CECR2: variants seen among roughly 807,000 people sequenced by gnomAD.
The protein encoded by CECR2 is CECR2 histone acetyl-lysine reader, also known as chromatin remodeling regulator CECR2.
Under a neutral mutation model 154.5 loss-of-function variants are expected in CECR2, and 30 were observed. That is an observed-to-expected ratio of 0.19 (90% CI 0.15 to 0.26). CECR2 has a LOEUF of 0.26. Ranked by LOEUF, CECR2 falls within the 10% of genes least tolerant of loss-of-function variation. The probability of loss-of-function intolerance (pLI) is 1.00; values close to 1 mark genes in which losing one functional copy is unlikely to be tolerated. For missense variants in CECR2, 1,743 were observed against 1,829.3 expected, an observed-to-expected ratio of 0.95 and a Z score of 0.86; for synonymous variants, 725 against 683.7, an observed-to-expected ratio of 1.06 and a Z score of -0.94.
At chr22:17,508,812 T>A (rs989611204) in intron 7 of CECR2, among the ~76,000 whole-genome samples, 1 of 152,224 alleles carries the variant, frequency 6.6e-6, no homozygotes, top group Non-Finnish European at 1.5e-5. Context: ...AACACATGAC[T>A]GCGTGTCAGA....
intron 8 of CECR2, among the ~76,000 whole-genome samples, chr22:17,521,319 T>TC (rs2056153428): frequency 6.6e-6 from 1 of 152,130 alleles, no homozygotes; most frequent in South Asian, 2.1e-4. Flanking sequence ...GGCAGGAGGA[T>TC]CACGAGGTCA....
At chr22:17,503,815 G>A (rs528403967) in intron 6 of CECR2, among the ~76,000 whole-genome samples, 16 of 150,428 alleles carry the variant, frequency 1.1e-4, no homozygotes, top group Non-Finnish European at 2.2e-4. Flanking sequence ...GGGAGGTCGA[G>A]GTGGATGGAT....
intron 1 of CECR2, among the ~76,000 whole-genome samples, chr22:17,427,012 C>T (rs1439716764): frequency 6.6e-6 from 1 of 151,840 alleles, no homozygotes; most frequent in Non-Finnish European, 1.5e-5. Context: ...CCTCCCCCAG[C>T]CCCCCACCCC....
chr22:17,438,390 C>T (rs113437454), intron 1 of CECR2, among the ~76,000 whole-genome samples: 1 of 152,256 alleles, frequency 6.6e-6, no homozygotes, highest in Non-Finnish European at 1.5e-5. Flanking sequence ...TGAGACTTGT[C>T]GACTGACAAG....
chr22:17,421,096 T>A (rs2054239662), intron 1 of CECR2, among the ~76,000 whole-genome samples: 1 of 152,198 alleles, frequency 6.6e-6, no homozygotes, highest in African/African-American at 2.4e-5. Flanking sequence ...AAGAATTTTT[T>A]TTTTAAGTTT....
At chr22:17,449,579 T>C (rs562996349) in intron 1 of CECR2, among the ~76,000 whole-genome samples, 70 of 137,228 alleles carry the variant, frequency 5.1e-4, no homozygotes, top group African/African-American at 1.8e-3. Flanking sequence ...AAGCTCTGCC[T>C]CCCAGGTTCA....
At chr22:17,452,911 A>G (rs2054793888) in intron 1 of CECR2, among the ~76,000 whole-genome samples, 1 of 152,304 alleles carries the variant, frequency 6.6e-6, no homozygotes, top group African/African-American at 2.4e-5. Context: ...TGGTTTTTTA[A>G]TGTCCGTGTT....
chr22:17,437,217 C>G (rs1169041040), intron 1 of CECR2, among the ~76,000 whole-genome samples: 1 of 152,128 alleles, frequency 6.6e-6, no homozygotes, highest in Admixed American at 6.5e-5. Flanking sequence ...CCTTGGCCTC[C>G]TAAATTAGAT....
chr22:17,474,563 A>T (rs1569105586), intron 1 of CECR2, among the ~76,000 whole-genome samples: 1 of 152,228 alleles, frequency 6.6e-6, no homozygotes. Flanking sequence ...AATGTAGAAA[A>T]CTTGTCTTGC....
Position 17,516,300 on chromosome 22 carries a change from T to G in CECR2, c.954+4404T>G, listed in dbSNP as rs181028244. Among the ~76,000 whole-genome samples the G allele has an allele frequency of 2.1e-3, 312 of 151,890 alleles. 2 individuals carry two copies. Among genetic ancestry groups the G allele is most frequent in the Non-Finnish European group, 3.3e-3 (224 of 68,008 alleles). The stretch of plus-strand genomic sequence containing the variant: ...TTATTATATTATATGTGTATACATT[T>G]TATATGTATATATACATATATACAT... On this transcript the variant is annotated intron_variant, in intron 8 of 18. Coordinates refer to ENST00000262608, the MANE Select transcript of CECR2 (RefSeq NM_001290047.2).
At chr22:17,547,029 ACT>A (rs769385056) in intron 16 of CECR2, among the ~76,000 whole-genome samples, 1 of 128,380 alleles carries the variant, frequency 7.8e-6, no homozygotes, top group Non-Finnish European at 1.6e-5. Flanking sequence ...TCAGAGTGAG[ACT>A]CTGCCTCAAA....
intron 1 of CECR2, among the ~76,000 whole-genome samples, chr22:17,466,195 G>T (rs2055029576): frequency 6.6e-6 from 1 of 152,066 alleles, no homozygotes; most frequent in Admixed American, 6.6e-5. Flanking sequence ...CCCAAAGTGG[G>T]AATACAGACA....
chr22:17,532,697 A>ATTT (rs1158636788), intron 9 of CECR2, among the ~76,000 whole-genome samples: 2 of 29,360 alleles, frequency 6.8e-5, no homozygotes, highest in African/African-American at 1.2e-4. Flanking sequence ...ATTCATTATT[A>ATTT]TTCTTTTTTT....
rs200923527 is a variant in CECR2 at position 17,537,182 on chromosome 22, C to T, written c.1188C>T (p.Ser396=). 2.5e-6 allele frequency: 4 copies of T among 1,613,792 alleles called. No individual in the cohort carries two copies. The highest frequency in any genetic ancestry group is 3.4e-6 in the Non-Finnish European group (4 of 1,179,856). The stretch of plus-strand genomic sequence containing the variant: ...GAAAGGAGCTCCCTCCAGAACTTTC[C>T]CATCTGGACCCCAATTCCCCCATGA... ...AQGKELPPEL[S]HLDPNSPMRE... Residue 396 remains serine (S), a synonymous_variant, in exon 10 of 19, where the codon TCC becomes TCT. Transcript: ENST00000262608.
chr22:17,502,725 C>A (rs1424616256), intron 5 of CECR2, among the ~76,000 whole-genome samples: 1 of 152,172 alleles, frequency 6.6e-6, no homozygotes, highest in South Asian at 2.1e-4. Context: ...ATCATTTGAA[C>A]CTGGGAGGCG....
At chr22:17,500,553 C>T (rs1297782986) in intron 4 of CECR2, 78 bp from the exon 5 acceptor site, 2 of 1,074,302 alleles carry the variant, frequency 1.9e-6, no homozygotes, top group Non-Finnish European at 2.7e-6. Flanking sequence ...AATCTCATGG[C>T]CAGAAATACT....
At chr22:17,363,569 C>T (rs2062987621) in intron 1 of CECR2, among the ~76,000 whole-genome samples, 1 of 152,130 alleles carries the variant, frequency 6.6e-6, no homozygotes, top group African/African-American at 2.4e-5. Flanking sequence ...GCTCGAACTC[C>T]TGACCTCAGG....
At chr22:17,479,957 G>T (rs536773027) in intron 2 of CECR2, among the ~76,000 whole-genome samples, 1 of 151,752 alleles carries the variant, frequency 6.6e-6, no homozygotes, top group African/African-American at 2.4e-5. Context: ...TAGAGACAAG[G>T]TCTGTGTTCC....
intron 8 of CECR2, among the ~76,000 whole-genome samples, chr22:17,519,996 T>TGAG (rs2056128962): frequency 1.3e-5 from 2 of 151,826 alleles, no homozygotes; most frequent in Admixed American, 1.3e-4. Context: ...TCACCATGTT[T>TGAG]ACCAGGATGG....
Sources: allele counts gnomAD v4.1 joint callset (sites outside exome capture counted in the v4.1 genomes callset), GRCh38; gene constraint gnomAD v4.1.1; transcripts MANE v1.5; gene names NCBI Gene and HGNC (gene_info 2026-07-23, HGNC 2026-07-21).